Variants in FRAS1 observed in about 807,000 individuals in gnomAD.
The protein encoded by FRAS1 is extracellular matrix organizing protein FRAS1.
In FRAS1, 290 loss-of-function variants were observed where a neutral mutation model predicts 435.2. That is an observed-to-expected ratio of 0.67 (90% CI 0.61 to 0.73). The LOEUF is 0.73. FRAS1 is among the 30% of genes least tolerant of loss of function. The pLI is 0.00. For synonymous variants in FRAS1, 1,800 were observed against 1,851.0 expected, an observed-to-expected ratio of 0.97 and a Z score of 0.71; for missense variants, 4,860 against 5,001.5, an observed-to-expected ratio of 0.97 and a Z score of 0.85.
intron 61 of FRAS1, among the ~76,000 whole-genome samples, chr4:78,505,717 A>G (rs541207733): frequency 6.6e-6 from 1 of 151,710 alleles, no homozygotes; most frequent in East Asian, 2.0e-4. Flanking sequence ...CGACCTTCTG[A>G]AGCCTACTTC....
chr4:78,376,015 A>T, intron 26 of FRAS1, 136 bp downstream of exon 26: 1 of 940,640 alleles, frequency 1.1e-6, no homozygotes, highest in Non-Finnish European at 1.7e-6. Flanking sequence ...GGTGCTACTA[A>T]GGAGTAAGGG....
At position 78,256,616 on chromosome 4, in the gene FRAS1, T is replaced by A. The variant is rs1396628998; in HGVS notation, c.603+1241T>A. ...CAGCTACTGGAATAATTGAAAGTAC[T>A]GTTTCTCATATTTAAAATCATTAAA... On this transcript the variant is annotated intron_variant, in intron 6 of 73. Coordinates refer to ENST00000512123, the MANE Select transcript of FRAS1 (RefSeq NM_025074.7). 2.6e-5 allele frequency among the ~76,000 whole-genome samples: 4 copies of A among 152,252 alleles called. No homozygotes were observed. In the East Asian group the frequency reaches 7.7e-4, roughly 29 times the overall value.
chr4:78,460,375 A>G (rs964344882), intron 47 of FRAS1, among the ~76,000 whole-genome samples: 2 of 152,300 alleles, frequency 1.3e-5, no homozygotes, highest in South Asian at 2.1e-4. Context: ...AACACCTTCA[A>G]TGGGATTAAA....
intron 2 of FRAS1, among the ~76,000 whole-genome samples, chr4:78,200,206 A>G (rs1722993274): frequency 2.6e-5 from 4 of 152,208 alleles, no homozygotes; most frequent in Admixed American, 2.6e-4. Context: ...CCTTGTCAGA[A>G]CCTTATTTTT....
chr4:78,266,970 C>G (rs1231614442), intron 8 of FRAS1, 35 bp downstream of exon 8: 5 of 1,420,210 alleles, frequency 3.5e-6, no homozygotes, highest in Non-Finnish European at 2.9e-6. Flanking sequence ...TGTTTAAGCT[C>G]TTTTCTGGGT....
chr4:78,217,800 TCTCCCCTCCCCTCTC>T (rs1445527897), intron 2 of FRAS1, among the ~76,000 whole-genome samples: 6 of 86,540 alleles, frequency 6.9e-5, no homozygotes, highest in African/African-American at 2.8e-4. Flanking sequence ...CCCTCCCTTC[TCTCCCCTCCCCTCTC>T]CTCCCCTCCC....
In FRAS1 at chr4:78,086,117, A is replaced by G. The variant is rs1741147426; in HGVS notation, c.108+20101A>G. 1.3e-5 allele frequency among the ~76,000 whole-genome samples: 2 copies of G among 152,160 alleles called. 1 individual carries two copies. The highest frequency in any genetic ancestry group is 4.1e-4 in the South Asian group (2 of 4,834). ...AATCAAACTAGAACTCAGGATTAAG[A>G]CACTCACTCAAAACTGCTCAACTAC... is the stretch of plus-strand genomic sequence containing the variant. On this transcript the variant is annotated intron_variant, in intron 2 of 73. Transcript: ENST00000512123.
chr4:78,118,759 G>T (rs1718822654), intron 2 of FRAS1, among the ~76,000 whole-genome samples: 1 of 152,134 alleles, frequency 6.6e-6, no homozygotes, highest in African/African-American at 2.4e-5. Flanking sequence ...CTGACCCCTT[G>T]CCCTTCCCGG....
chr4:78,329,963 G>A (rs991972051), intron 18 of FRAS1, among the ~76,000 whole-genome samples: 3 of 152,126 alleles, frequency 2.0e-5, no homozygotes, highest in African/African-American at 7.2e-5. Context: ...TGTTTTTAGT[G>A]TGCCGGAACA....
In FRAS1 at chr4:78,395,621, T is replaced by C. The variant is rs577252368; in HGVS notation, c.3976-5113T>C. Reference sequence around the variant, plus strand: ...CTCATTATATAATATCTTCTTTGTCTCTTGTGATGTTTTTGACTTCAAAGC... The same window carrying C: ...CTCATTATATAATATCTTCTTTGTCCCTTGTGATGTTTTTGACTTCAAAGC... On this transcript the variant is annotated intron_variant, in intron 29 of 73. Transcript: ENST00000512123. Among the ~76,000 whole-genome samples the C allele has an allele frequency of 3.3e-5, 5 of 152,174 alleles. No individual in the cohort carries two copies. The East Asian group carries it at 9.6e-4, about 29-fold the overall frequency.
Position 78,418,980 on chromosome 4 carries a change from C to T in FRAS1, c.4457C>T (p.Pro1486Leu). The change falls in exon 33 of 74, where the codon CCT (proline) becomes CTT (leucine). Residue 1486 changes from proline to leucine, a missense_variant. Physicochemically the swap from Pro to Leu is moderately conservative, Grantham distance 98. Coordinates refer to ENST00000512123, the MANE Select transcript of FRAS1 (RefSeq NM_025074.7). ...GAAGATGGCCTGACTGTTATTCAGC[C>T]TCATTCCCTCTCCTTCATAAACTCT... Reference protein sequence around the residue: ...AREDGLTVIQPHSLSFINSEK... With the variant: ...AREDGLTVIQLHSLSFINSEK... 1.2e-6 allele frequency: 2 copies of T among 1,604,626 alleles called. No homozygotes were observed. Among genetic ancestry groups the T allele is most frequent in the South Asian group, 2.3e-5 (2 of 88,640 alleles).
rs1182474204 is a variant in FRAS1 at position 78,432,572 on chromosome 4, G to C, written c.5185G>C (p.Ala1729Pro). The change falls in exon 38 of 74, where the codon GCC (alanine) becomes CCC (proline). Residue 1729 changes from alanine (A) to proline (P), a missense_variant. Transcript: ENST00000512123. ...LSITVASKST[A>P]IITRSHLAYV... ...CATTACTGTTGCCAGTAAAAGCACAGCCATAATCACTAGGTCACACCTTGC... is the reference window on the plus strand; with the variant it reads ...CATTACTGTTGCCAGTAAAAGCACACCCATAATCACTAGGTCACACCTTGC... The C allele has an allele frequency of 6.2e-7, 1 of 1,607,516 alleles. No homozygotes were observed. Among genetic ancestry groups the C allele is most frequent in the African/African-American group, 1.3e-5 (1 of 74,816 alleles).
chr4:78,478,868 G>A (rs1285395186), intron 55 of FRAS1, among the ~76,000 whole-genome samples: 2 of 152,222 alleles, frequency 1.3e-5, no homozygotes, highest in African/African-American at 2.4e-5. Context: ...TGTCACCAAG[G>A]GAAGTGGCAG....
chr4:78,539,312 G>C lies in FRAS1; in HGVS notation c.11317G>C (p.Val3773Leu), dbSNP rs150567662. 2.8e-4 allele frequency: 451 copies of C among 1,607,700 alleles called. 1 individual carries two copies. The highest frequency in any genetic ancestry group is 1.2e-3 in the Admixed American group (70 of 58,470). ...FLLLDRNQPEVTDKYFHDVPF... is the reference protein window; with the variant it reads ...FLLLDRNQPELTDKYFHDVPF... ...ATCCTAGGACCGCAATCAGCCAGAG[G>C]TAACTGATAAGTACTTCCATGATGT... Residue 3773 changes from valine to leucine, a missense_variant, in exon 73 of 74, where the codon GTA becomes CTA. Transcript: ENST00000512123.
intron 44 of FRAS1, 25 bp from the exon 45 acceptor site, chr4:78,450,126 C>A: frequency 6.3e-7 from 1 of 1,588,608 alleles, no homozygotes; most frequent in Non-Finnish European, 8.6e-7. Flanking sequence ...GGGGAATAAC[C>A]TACTCTCTTC....
intron 22 of FRAS1, among the ~76,000 whole-genome samples, chr4:78,365,207 GC>G (rs1731216369): frequency 6.6e-6 from 1 of 152,140 alleles, no homozygotes; most frequent in South Asian, 2.1e-4. Context: ...GCAAAGATTT[GC>G]ATTAGTTATA....
At chr4:78,254,005 A>ATTTATTATGTCTTTG in intron 5 of FRAS1, among the ~76,000 whole-genome samples, 1 of 151,854 alleles carries the variant, frequency 6.6e-6, no homozygotes, top group South Asian at 2.1e-4. Context: ...ATTTGTCTTT[A>ATTTATTATGTCTTTG]TTTATGAAAT....
At chr4:78,384,960 G>T (rs1444783217) in intron 28 of FRAS1, among the ~76,000 whole-genome samples, 1 of 150,200 alleles carries the variant, frequency 6.7e-6, no homozygotes, top group African/African-American at 2.5e-5. Flanking sequence ...AAAGGAGTTT[G>T]TTTTATCTCT....
At chr4:78,301,855 T>TTA (rs1553941024) in intron 14 of FRAS1, among the ~76,000 whole-genome samples, 2 of 150,114 alleles carry the variant, frequency 1.3e-5, no homozygotes, top group African/African-American at 4.9e-5. Flanking sequence ...AGTTTTTTTT[T>TTA]TTTTTTTTTT....
Sources: gnomAD v4.1 joint callset for allele counts (sites outside exome capture counted in the v4.1 genomes callset) on GRCh38, gnomAD v4.1.1 for gene constraint, MANE v1.5 for transcripts, NCBI Gene and HGNC (gene_info 2026-07-23, HGNC 2026-07-21) for gene names.